The following CLGN variants were observed in gnomAD, a reference collection of about 807,000 sequenced individuals.
CLGN encodes the protein calmegin, also known as testis tissue sperm-binding protein Li 79P.
CLGN carries 62 observed loss-of-function variants against 79.1 expected under a neutral mutation model. The ratio of observed to expected loss-of-function variants is 0.78; its 90% CI spans 0.64 to 0.97. The LOEUF (loss-of-function observed/expected upper bound fraction) is 0.97. CLGN is among the 50% of genes least tolerant of loss of function. The pLI is 0.00. For missense variants in CLGN, 647 were observed against 715.5 expected (o/e 0.90, Z 1.09); for synonymous variants, 225 against 224.7 (o/e 1.00, Z -0.01).
At position 140,392,634 on chromosome 4, in the gene CLGN, T is replaced by C; in HGVS notation, c.1443A>G (p.Gly481=). ...ATGAAGTAATTAATGCTATTGGCAC[T>C]CCTGCTGTCACAAGATAAATCAACC... The part of the protein sequence containing the change: ...WLWLIYLVTA[G]VPIALITSFC... The change falls in exon 12 of 15, where the codon GGA becomes GGG. Residue 481 remains glycine, a synonymous_variant. Transcript: ENST00000325617. 1 of 1,611,402 alleles carries C rather than the reference T, an allele frequency of 6.2e-7. No individual in the cohort carries two copies. The highest frequency in any genetic ancestry group is 8.5e-7 in the Non-Finnish European group (1 of 1,178,938).
At chr4:140,415,214 A>G (rs1197978815) in intron 1 of CLGN, among the ~76,000 whole-genome samples, 1 of 152,210 alleles carries the variant, frequency 6.6e-6, no homozygotes, top group Non-Finnish European at 1.5e-5. Flanking sequence ...TAAACATGGA[A>G]AGGAACAACA....
At chr4:140,396,376 A>G (rs1290255778) in intron 8 of CLGN, among the ~76,000 whole-genome samples, 171 bp from the exon 9 acceptor site, 1 of 152,124 alleles carries the variant, frequency 6.6e-6, no homozygotes, top group Non-Finnish European at 1.5e-5. Context: ...TTTGGTACAT[A>G]TTCCCTGTTG....
At chr4:140,396,862 C>CATAT (rs202204415) in intron 8 of CLGN, among the ~76,000 whole-genome samples, 5 of 94,228 alleles carry the variant, frequency 5.3e-5, no homozygotes, top group Non-Finnish European at 8.8e-5. Flanking sequence ...CTGGCTGGAG[C>CATAT]ATATATATAT....
intron 4 of CLGN, among the ~76,000 whole-genome samples, chr4:140,409,558 G>C (rs958040026): frequency 6.9e-6 from 1 of 145,640 alleles, no homozygotes; most frequent in African/African-American, 2.5e-5. Flanking sequence ...CAGTAGCCTG[G>C]GAAATACTGC....
At chr4:140,392,414 C>T in intron 12 of CLGN, 36 bp from the exon 13 acceptor site, 1 of 1,560,370 alleles carries the variant, frequency 6.4e-7, no homozygotes, top group Non-Finnish European at 8.6e-7. Context: ...TTACTAAAGG[C>T]AGAGTGCTAT....
chr4:140,397,167 T>A (rs1333640504), intron 8 of CLGN, among the ~76,000 whole-genome samples: 1 of 151,806 alleles, frequency 6.6e-6, no homozygotes, highest in South Asian at 2.1e-4. Flanking sequence ...TCCAAATTAC[T>A]CTCTATAATG....
Position 140,401,976 on chromosome 4 carries a change from A to G in CLGN, c.501+9T>C, listed in dbSNP as rs768829022. Reference sequence around the variant, plus strand: ...TAATAAGGTTTTCTTAAATATTAAAATATCATACCAGAATCAAATCATCAG... The same window carrying G: ...TAATAAGGTTTTCTTAAATATTAAAGTATCATACCAGAATCAAATCATCAG... On this transcript the variant is annotated intron_variant, in intron 6 of 14. Transcript: ENST00000325617. 4.9e-6 allele frequency: 7 copies of G among 1,432,254 alleles called. No homozygotes were observed. The South Asian group carries it at 6.4e-5, about 13-fold the overall frequency. The allele number at this position is 1,432,254 out of a possible 1,614,324, so 88.7% of individuals were successfully genotyped here. A position where few individuals can be genotyped will look rare whatever the true frequency, so the allele number is the denominator to read the frequency against.
chr4:140,390,181 A>G (rs1578896614), intron 14 of CLGN, among the ~76,000 whole-genome samples: 1 of 151,818 alleles, frequency 6.6e-6, no homozygotes, highest in South Asian at 2.1e-4. Context: ...TGAGAAAAAT[A>G]CCCTATCAGG....
intron 1 of CLGN, among the ~76,000 whole-genome samples, chr4:140,423,432 T>C (rs1729507753): frequency 6.6e-6 from 1 of 152,226 alleles, no homozygotes; most frequent in African/African-American, 2.4e-5. Context: ...CTGAATTTTG[T>C]TGTCAAGTAT....
chr4:140,398,618 CAT>C (rs1728938553), intron 8 of CLGN, among the ~76,000 whole-genome samples: 1 of 150,942 alleles, frequency 6.6e-6, no homozygotes, highest in South Asian at 2.1e-4. Flanking sequence ...GCATTGAAAA[CAT>C]AAAAAATAAA....
At chr4:140,397,451 T>C (rs1410602860) in intron 8 of CLGN, among the ~76,000 whole-genome samples, 1 of 150,096 alleles carries the variant, frequency 6.7e-6, no homozygotes, top group African/African-American at 2.5e-5. Flanking sequence ...TGAAATAGTT[T>C]AGGGAGGTTT....
At chr4:140,396,872 T>TATAC (rs1379612334) in intron 8 of CLGN, among the ~76,000 whole-genome samples, 177 of 37,496 alleles carry the variant, frequency 4.7e-3, no homozygotes, top group African/African-American at 9.2e-3. Flanking sequence ...CATATATATA[T>TATAC]ACATATATAT....
At chr4:140,421,166 G>T (rs558025176) in intron 1 of CLGN, among the ~76,000 whole-genome samples, 3 of 152,202 alleles carry the variant, frequency 2.0e-5, no homozygotes, top group African/African-American at 7.2e-5. Context: ...GTATTCCATT[G>T]TGTGTATACA....
Position 140,413,367 on chromosome 4 carries a change from T to C in CLGN, c.-9-280A>G, listed in dbSNP as rs145338825. 8.4e-3 allele frequency among the ~76,000 whole-genome samples: 1,281 copies of C among 152,228 alleles called. 13 individuals carry two copies. Among genetic ancestry groups the C allele is most frequent in the Admixed American group, 0.013 (205 of 15,306 alleles). On this transcript the variant is annotated intron_variant, in intron 1 of 14. Transcript: ENST00000325617. ...GGGGGGAGGAGCCAAGATGGCCGAA[T>C]AGGAACAGCTCCCGTCTACAGCTCC...
At chr4:140,392,087 C>A in intron 13 of CLGN, 132 bp downstream of exon 13, 1 of 1,112,614 alleles carries the variant, frequency 9.0e-7, no homozygotes, top group Non-Finnish European at 1.3e-6. Flanking sequence ...TTGCCACAGT[C>A]ACATATTCTT....
intron 1 of CLGN, among the ~76,000 whole-genome samples, chr4:140,414,338 A>C (rs1729279420): frequency 6.6e-6 from 1 of 151,768 alleles, no homozygotes. Flanking sequence ...CAACGGAACA[A>C]AGCTGGATGG....
intron 10 of CLGN, 119 bp downstream of exon 10, chr4:140,395,700 T>C (rs1486678959): frequency 1.3e-6 from 1 of 793,248 alleles, no homozygotes; most frequent in African/African-American, 1.8e-5. Context: ...TCTATTTTCT[T>C]TGACATCTTA....
At chr4:140,404,933 C>G (rs1419261804) in intron 5 of CLGN, among the ~76,000 whole-genome samples, 10 of 150,624 alleles carry the variant, frequency 6.6e-5, no homozygotes, top group Admixed American at 6.6e-4. Flanking sequence ...TGGGATTACA[C>G]ACATGAGGCA....
At chr4:140,405,183 T>A (rs952666209) in intron 5 of CLGN, among the ~76,000 whole-genome samples, 146 of 91,538 alleles carry the variant, frequency 1.6e-3, no homozygotes, top group Middle Eastern at 5.2e-3. Flanking sequence ...ATTTTTATTT[T>A]TTTTTTTATT....
Sources: allele counts gnomAD v4.1 joint callset (sites outside exome capture counted in the v4.1 genomes callset), GRCh38; gene constraint gnomAD v4.1.1; transcripts MANE v1.5; gene names NCBI Gene and HGNC (gene_info 2026-07-23, HGNC 2026-07-21).